CENPW: variants seen among roughly 807,000 people sequenced by gnomAD.
CENPW encodes the protein cancer-up-regulated gene 2 protein.
In CENPW, 3 loss-of-function variants were observed where a neutral mutation model predicts 11.1. That is an observed-to-expected ratio of 0.27 (90% CI 0.12 to 0.70). The LOEUF (loss-of-function observed/expected upper bound fraction) is 0.70, where lower values mean the gene tolerates loss of function less well. CENPW is among the 30% of genes least tolerant of loss of function. CENPW has a pLI of 0.77. For synonymous variants in CENPW, 38 were observed against 42.0 expected, an observed-to-expected ratio of 0.91 and a Z score of 0.37; for missense variants, 100 against 105.6, an observed-to-expected ratio of 0.95 and a Z score of 0.23.
At chr6:126,424,733 A>G in the CENPW span, among the ~76,000 whole-genome samples, 1 of 152,054 alleles carries the variant, frequency 6.6e-6, no homozygotes, top group Non-Finnish European at 1.5e-5. Flanking sequence ...ATTTGACTGG[A>G]TGGTGGCTGT....
At chr6:126,411,589 G>T in the CENPW span, among the ~76,000 whole-genome samples, 5 of 152,064 alleles carry the variant, frequency 3.3e-5, no homozygotes, top group African/African-American at 1.2e-4. Flanking sequence ...ACAGGGTCAG[G>T]ATCTGTTATA....
At chr6:126,375,647 C>T in the CENPW span, among the ~76,000 whole-genome samples, 1 of 152,066 alleles carries the variant, frequency 6.6e-6, no homozygotes, top group Non-Finnish European at 1.5e-5. Flanking sequence ...CACAGCTCTT[C>T]ACCAGTTTTG....
At chr6:126,349,534 A>G (rs1368507662), downstream of CENPW, among the ~76,000 whole-genome samples, 2 of 152,202 alleles carry the variant, frequency 1.3e-5, no homozygotes, top group Admixed American at 1.3e-4. Context: ...TGAGAATGTC[A>G]TATGGATGGA....
At chr6:126,463,348 A>T in the CENPW span, among the ~76,000 whole-genome samples, 1 of 152,066 alleles carries the variant, frequency 6.6e-6, no homozygotes, top group Non-Finnish European at 1.5e-5. Flanking sequence ...ATCACAGTTT[A>T]GGAAATAAGA....
chr6:126,405,166 T>G, the CENPW span, among the ~76,000 whole-genome samples: 3 of 152,134 alleles, frequency 2.0e-5, no homozygotes, highest in Non-Finnish European at 4.4e-5. Flanking sequence ...CAATTTTGGT[T>G]GAGTTTTGTA....
chr6:126,386,222 G>C, the CENPW span, among the ~76,000 whole-genome samples: 2 of 151,974 alleles, frequency 1.3e-5, no homozygotes, highest in African/African-American at 4.8e-5. Flanking sequence ...CATATGGTCA[G>C]GTAGGAAACA....
the CENPW span, among the ~76,000 whole-genome samples, chr6:126,473,802 G>A: frequency 6.8e-6 from 1 of 147,854 alleles, no homozygotes; most frequent in Non-Finnish European, 1.5e-5. Flanking sequence ...GAATATATAT[G>A]CACAGCATAG....
chr6:126,376,430 T>A, the CENPW span, among the ~76,000 whole-genome samples: 1 of 152,168 alleles, frequency 6.6e-6, no homozygotes, highest in African/African-American at 2.4e-5. Flanking sequence ...TGTACTGTTC[T>A]AAGGACATAC....
chr6:126,360,065 A>G, the CENPW span, among the ~76,000 whole-genome samples: 1 of 152,116 alleles, frequency 6.6e-6, no homozygotes, highest in Non-Finnish European at 1.5e-5. Context: ...AGCAAAACAT[A>G]TTTCAGTTCC....
At chr6:126,348,329 AT>A (rs1232925962) in intron 2 of CENPW, 136 bp from the exon 3 acceptor site, 2 of 572,930 alleles carry the variant, frequency 3.5e-6, no homozygotes, top group Non-Finnish European at 6.3e-6. Context: ...CTGGAAGGTG[AT>A]TTCCAATTTG....
At chr6:126,476,941 A>C in the CENPW span, among the ~76,000 whole-genome samples, 2 of 152,020 alleles carry the variant, frequency 1.3e-5, no homozygotes, top group Non-Finnish European at 2.9e-5. Flanking sequence ...TTACCAGTTT[A>C]AATGGGTGAC....
the CENPW span, among the ~76,000 whole-genome samples, chr6:126,438,243 T>G: frequency 6.6e-6 from 1 of 151,732 alleles, no homozygotes; most frequent in Non-Finnish European, 1.5e-5. Flanking sequence ...AGGGCTTCTC[T>G]TATTATATAA....
chr6:126,448,842 A>G, the CENPW span, among the ~76,000 whole-genome samples: 3 of 151,092 alleles, frequency 2.0e-5, no homozygotes. Flanking sequence ...GCCTATACCC[A>G]CCTGTCTCCC....
chr6:126,370,541 G>A, the CENPW span, among the ~76,000 whole-genome samples: 2 of 152,032 alleles, frequency 1.3e-5, no homozygotes, highest in African/African-American at 2.4e-5. Context: ...AAAAGGGGTT[G>A]AGTTTTTTAT....
the CENPW span, among the ~76,000 whole-genome samples, chr6:126,378,090 CT>C: frequency 6.6e-6 from 1 of 152,180 alleles, no homozygotes; most frequent in East Asian, 1.9e-4. Flanking sequence ...GGTCTGAGTA[CT>C]ACAAATTATC....
the CENPW span, among the ~76,000 whole-genome samples, chr6:126,455,259 A>T: frequency 6.6e-6 from 1 of 151,130 alleles, no homozygotes; most frequent in Non-Finnish European, 1.5e-5. Context: ...GCAGAGACAT[A>T]AAAAAAATCA....
At chr6:126,402,474 AC>A in the CENPW span, among the ~76,000 whole-genome samples, 1 of 151,766 alleles carries the variant, frequency 6.6e-6, no homozygotes, top group Non-Finnish European at 1.5e-5. Flanking sequence ...AGCAAAATAA[AC>A]CCCTTACCCA....
the CENPW span, among the ~76,000 whole-genome samples, chr6:126,455,398 G>A: frequency 6.6e-6 from 1 of 151,240 alleles, no homozygotes; most frequent in African/African-American, 2.4e-5. Flanking sequence ...TTACTCTTGT[G>A]ATGCAAAGTG....
chr6:126,356,209 C>T, the CENPW span, among the ~76,000 whole-genome samples: 1 of 152,264 alleles, frequency 6.6e-6, no homozygotes, highest in Non-Finnish European at 1.5e-5. Context: ...TATTTGGATG[C>T]ATCCAAGCCC....
Sources: gnomAD v4.1 joint callset for allele counts (sites outside exome capture counted in the v4.1 genomes callset) on GRCh38, gnomAD v4.1.1 for gene constraint, MANE v1.5 for transcripts, NCBI Gene and HGNC (gene_info 2026-07-23, HGNC 2026-07-21) for gene names.